The following SLC3A1 variants were observed in gnomAD, a reference collection of about 807,000 sequenced individuals.
SLC3A1 encodes amino acid transporter heavy chain SLC3A1.
In SLC3A1, 78 loss-of-function variants were observed where a neutral mutation model predicts 60.3. The observed-to-expected ratio is 1.29, with a 90% CI of 1.08 to 1.56. The LOEUF (loss-of-function observed/expected upper bound fraction) is 1.56, where lower values mean the gene tolerates loss of function less well. Among genes scored for constraint, SLC3A1 ranks in the 40% most tolerant of loss-of-function variants. The pLI is 0.00. For synonymous variants in SLC3A1, 392 were observed against 307.9 expected, an observed-to-expected ratio of 1.27 and a Z score of -2.86; for missense variants, 1,172 against 858.9, an observed-to-expected ratio of 1.36 and a Z score of -4.56.
In SLC3A1 at chr2:44,320,198, G is replaced by C. The variant is rs1672806014; in HGVS notation, c.1618-1G>C. The C allele has an allele frequency of 1.2e-6, 2 of 1,610,380 alleles. No homozygotes were observed. Among genetic ancestry groups the C allele is most frequent in the African/African-American group, 1.3e-5 (1 of 74,740 alleles). On this transcript the variant is annotated splice_acceptor_variant, in intron 9 of 9. Transcript: ENST00000260649. LOFTEE classifies it high-confidence loss of function. ...ACGTAAATACTTTTTTAAAAAAATA[G>C]GTCCAAAAGACTCAGCCCAGATCGG...
intron 4 of SLC3A1, among the ~76,000 whole-genome samples, chr2:44,286,498 CGGTGCCTGTG>C (rs1240002919): frequency 4.6e-5 from 5 of 108,758 alleles, no homozygotes. Flanking sequence ...GTGAGCTGTA[CGGTGCCTGTG>C]ACGGTGAGCT....
chr2:44,305,153 G>C (rs1045096529), intron 7 of SLC3A1, among the ~76,000 whole-genome samples: 1 of 151,992 alleles, frequency 6.6e-6, no homozygotes, highest in Non-Finnish European at 1.5e-5. Context: ...TTTCAAGACT[G>C]GCAATACATT....
intron 5 of SLC3A1, 53 bp downstream of exon 5, chr2:44,300,143 G>A: frequency 6.3e-7 from 1 of 1,591,588 alleles, no homozygotes; most frequent in Non-Finnish European, 8.6e-7. Flanking sequence ...AATGTCATCA[G>A]AGTGTTTTCT....
intron 4 of SLC3A1, among the ~76,000 whole-genome samples, chr2:44,286,913 A>G (rs200371002): frequency 1.3e-5 from 2 of 152,172 alleles, no homozygotes; most frequent in East Asian, 3.9e-4. Flanking sequence ...TCCTGCATCT[A>G]AAATGGGCTT....
intron 9 of SLC3A1, chr2:44,314,372 A>C (rs1672374728): frequency 3.0e-6 from 1 of 337,702 alleles, no homozygotes; most frequent in Non-Finnish European, 5.5e-6. Flanking sequence ...AATCCACACT[A>C]CTGTTCTGAA....
At chr2:44,319,278 G>C (rs1267773514) in intron 9 of SLC3A1, 6 of 152,592 alleles carry the variant, frequency 3.9e-5, no homozygotes, top group African/African-American at 1.2e-4. Context: ...CATTATCACT[G>C]ATTTGGCAAC....
intron 7 of SLC3A1, among the ~76,000 whole-genome samples, chr2:44,307,122 T>G (rs1176049788): frequency 2.6e-5 from 4 of 152,224 alleles, no homozygotes; most frequent in African/African-American, 4.8e-5. Flanking sequence ...TGTGTCTAGC[T>G]TCTTTCACTT....
intron 4 of SLC3A1, among the ~76,000 whole-genome samples, chr2:44,294,062 A>G (rs1300141081): frequency 2.6e-5 from 4 of 152,202 alleles, no homozygotes; most frequent in Admixed American, 1.3e-4. Context: ...TGGAGCCCCA[A>G]GGAGCACTGA....
chr2:44,281,686 G>T, intron 3 of SLC3A1, 145 bp downstream of exon 3: 1 of 742,292 alleles, frequency 1.3e-6, no homozygotes, highest in South Asian at 1.7e-5. Flanking sequence ...TAGAAATAAG[G>T]TTTCCAGTTG....
At position 44,286,083 on chromosome 2, in the gene SLC3A1, T is replaced by C. The variant is rs935314238; in HGVS notation, c.817T>C (p.Cys273Arg). The part of the protein sequence containing the change: ...SWHFDEVRNQ[C>R]YFHQFMKEQP... The stretch of plus-strand genomic sequence containing the variant: ...GCACTTTGACGAAGTGCGAAACCAA[T>C]GTTATTTTCATCAGTTTATGAAAGA... Residue 273 changes from cysteine to arginine, a missense_variant, in exon 4 of 10, where the codon TGT becomes CGT. Physicochemically the swap from Cys to Arg is radical, Grantham distance 180 (BLOSUM62 -3). Transcript: ENST00000260649. The C allele has an allele frequency of 6.2e-7, 1 of 1,614,090 alleles. No individual in the cohort carries two copies. Among genetic ancestry groups the C allele is most frequent in the Middle Eastern group, 1.6e-4 (1 of 6,062 alleles).
chr2:44,304,437 C>A, intron 7 of SLC3A1, 99 bp downstream of exon 7: 1 of 911,996 alleles, frequency 1.1e-6, no homozygotes, highest in Non-Finnish European at 1.8e-6. Flanking sequence ...AAGTGACCAT[C>A]ACCTCTGCCT....
intron 6 of SLC3A1, 29 bp downstream of exon 6, chr2:44,301,156 T>A (rs1558462642): frequency 6.2e-7 from 1 of 1,614,062 alleles, no homozygotes; most frequent in East Asian, 2.2e-5. Flanking sequence ...TCTCATTTCT[T>A]CCCAGGCTTA....
Position 44,314,055 on chromosome 2 carries a change from CTT to C in SLC3A1, c.1617+106_1617+107del, listed in dbSNP as rs1672364298. The C allele has an allele frequency of 2.5e-6, 4 of 1,572,190 alleles. No homozygotes were observed. In the African/African-American group the frequency reaches 4.1e-5, roughly 16 times the overall value. On this transcript the variant is annotated intron_variant, in intron 9 of 9. Transcript: ENST00000260649. ...ATGTGTCTAAACCTTAACGGATACT[CTT>C]TAAATCAATCACAGACTTCCTTGCA...
In SLC3A1 at chr2:44,320,735, T is replaced by A. The variant is rs752209571; in HGVS notation, c.*96T>A. On this transcript the variant is annotated 3_prime_UTR_variant, in exon 10 of 10. Coordinates refer to ENST00000260649, the MANE Select transcript of SLC3A1 (RefSeq NM_000341.4). ...CAGCATGCTGCTTGGTGAACAATCA[T>A]TAATTCTTCGATATTTCTGTAGCTT... is the stretch of plus-strand genomic sequence containing the variant. The A allele has an allele frequency of 6.3e-6, 6 of 957,874 alleles. No homozygotes were observed. In the African/African-American group the frequency reaches 8.1e-5, roughly 13 times the overall value. 59.3% of individuals were successfully genotyped at this position (957,874 alleles called of 1,614,324 possible). A position where few individuals can be genotyped will look rare whatever the true frequency, so the allele number is the denominator to read the frequency against.
At chr2:44,281,064 C>A (rs10427327) in intron 2 of SLC3A1, among the ~76,000 whole-genome samples, 169 bp downstream of exon 2, 1 of 139,954 alleles carries the variant, frequency 7.1e-6, no homozygotes, top group South Asian at 2.5e-4. Context: ...TCCTTTCCTT[C>A]CCTTCCCTTC....
chr2:44,281,697 T>G (rs1226600946), intron 3 of SLC3A1, among the ~76,000 whole-genome samples, 156 bp downstream of exon 3: 2 of 151,864 alleles, frequency 1.3e-5, no homozygotes, highest in Non-Finnish European at 2.9e-5. Context: ...TTTCCAGTTG[T>G]TATTTACTCA....
At chr2:44,303,437 A>G (rs1260110391) in intron 6 of SLC3A1, among the ~76,000 whole-genome samples, 2 of 151,526 alleles carry the variant, frequency 1.3e-5, no homozygotes, top group African/African-American at 4.8e-5. Context: ...ATGTTTCTCC[A>G]CGTTGGCCAG....
At chr2:44,319,158 A>G (rs1024977665) in intron 9 of SLC3A1, 1 of 152,674 alleles carries the variant, frequency 6.5e-6, no homozygotes, top group Non-Finnish European at 1.5e-5. Context: ...ACACCATTAG[A>G]TAATTATTTA....
chr2:44,303,397 C>G (rs947109383), intron 6 of SLC3A1, among the ~76,000 whole-genome samples: 1 of 151,446 alleles, frequency 6.6e-6, no homozygotes, highest in South Asian at 2.1e-4. Context: ...GCGCATATCA[C>G]CACACCTAAT....
Sources: gnomAD v4.1 joint callset for allele counts (sites outside exome capture counted in the v4.1 genomes callset) on GRCh38, gnomAD v4.1.1 for gene constraint, MANE v1.5 for transcripts, NCBI Gene and HGNC (gene_info 2026-07-23, HGNC 2026-07-21) for gene names.